Variants in THOC5 observed in about 807,000 individuals in gnomAD.
THOC5 encodes the protein THO complex subunit 5.
Under a neutral mutation model 92.9 loss-of-function variants are expected in THOC5, and 43 were observed. That is an observed-to-expected ratio of 0.46 (90% CI 0.36 to 0.60). The LOEUF is 0.60. Among genes scored for constraint, THOC5 ranks in the 20% least tolerant of loss-of-function variants. THOC5 has a pLI of 0.00. For missense variants in THOC5, 659 were observed against 849.4 expected (o/e 0.78, Z 2.79); for synonymous variants, 296 against 320.1 (o/e 0.92, Z 0.80).
rs1210412385 is a variant in THOC5, at chr22:29,519,091, G to A, written c.1404C>T (p.Ser468=). 8.7e-6 allele frequency: 14 copies of A among 1,611,046 alleles called. No homozygotes were observed. The highest frequency in any genetic ancestry group is 6.7e-5 in the East Asian group (3 of 44,768). Residue 468 remains serine (S), a synonymous_variant, in exon 15 of 20, where the codon AGC becomes AGT. Transcript: ENST00000490103. ...QQTVIADHSL[S]ASHMETTMKL... ...TCATGGTGGTCTCCATGTGGCTGGCGCTCAGCGAGTGGTCAGCAATCACTG... is the reference window on the plus strand; with the variant it reads ...TCATGGTGGTCTCCATGTGGCTGGCACTCAGCGAGTGGTCAGCAATCACTG...
chr22:29,512,174 A>T, intron 17 of THOC5, 38 bp from the exon 18 acceptor site: 1 of 1,572,540 alleles, frequency 6.4e-7, no homozygotes, highest in African/African-American at 1.3e-5. Context: ...CGCAGTTCTA[A>T]GACTCAGCTT....
At chr22:29,547,123 C>G (rs1475073116) in intron 2 of THOC5, among the ~76,000 whole-genome samples, 1 of 152,150 alleles carries the variant, frequency 6.6e-6, no homozygotes, top group Admixed American at 6.5e-5. Context: ...GGATTATAGG[C>G]GTGAGCCACT....
intron 7 of THOC5, chr22:29,535,904 G>C (rs2063750814): frequency 6.6e-6 from 1 of 152,078 alleles, no homozygotes; most frequent in South Asian, 2.1e-4. Context: ...CAAACTCCTG[G>C]GCTCAAGTGA....
chr22:29,552,801 G>A (rs1040807543), intron 1 of THOC5, among the ~76,000 whole-genome samples: 6 of 152,224 alleles, frequency 3.9e-5, no homozygotes, highest in African/African-American at 1.4e-4. Flanking sequence ...AGTAGAGAGG[G>A]GGGAAATGTG....
chr22:29,526,400 CG>C (rs1266899494), intron 11 of THOC5, among the ~76,000 whole-genome samples: 1 of 151,782 alleles, frequency 6.6e-6, no homozygotes, highest in Non-Finnish European at 1.5e-5. Flanking sequence ...GGCGTGGTGG[CG>C]GGCACCTGTA....
chr22:29,537,318 T>A (rs552942975), intron 6 of THOC5, among the ~76,000 whole-genome samples: 2 of 152,264 alleles, frequency 1.3e-5, no homozygotes, highest in African/African-American at 4.8e-5. Flanking sequence ...GTCAGCCCCA[T>A]CTGCTAAGAC....
intron 10 of THOC5, 123 bp downstream of exon 10, chr22:29,528,303 C>G (rs1216185900): frequency 6.2e-7 from 1 of 1,614,012 alleles, no homozygotes; most frequent in African/African-American, 1.3e-5. Context: ...GGTTGTCAGA[C>G]TCCCCTCCCA....
intron 5 of THOC5, among the ~76,000 whole-genome samples, chr22:29,541,893 A>AATATATAT (rs55924406): frequency 6.9e-4 from 51 of 74,158 alleles, no homozygotes; most frequent in African/African-American, 9.7e-4. Context: ...AAAAAAAAAA[A>AATATATAT]ATATATATAT....
chr22:29,541,066 A>C (rs1373336951), intron 5 of THOC5, among the ~76,000 whole-genome samples: 2 of 151,900 alleles, frequency 1.3e-5, no homozygotes, highest in Non-Finnish European at 2.9e-5. Context: ...AAAATACGAA[A>C]ATTAGCTGGG....
intron 6 of THOC5, among the ~76,000 whole-genome samples, chr22:29,537,370 G>A (rs942547063): frequency 6.6e-6 from 1 of 152,238 alleles, no homozygotes; most frequent in African/African-American, 2.4e-5. Context: ...GCCGGGAATG[G>A]TGGCTCATGC....
intron 8 of THOC5, among the ~76,000 whole-genome samples, chr22:29,529,944 A>G (rs1275647519): frequency 1.3e-5 from 2 of 152,136 alleles, no homozygotes; most frequent in East Asian, 3.9e-4. Flanking sequence ...GAGTTCAGAG[A>G]CCAGCCTGGC....
chr22:29,523,976 CAG>C (rs1046604826), intron 12 of THOC5, among the ~76,000 whole-genome samples: 2 of 152,202 alleles, frequency 1.3e-5, no homozygotes, highest in African/African-American at 4.8e-5. Flanking sequence ...GCTGGGAGCC[CAG>C]AGTCTCGGGC....
chr22:29,517,980 T>A (rs1300740103), intron 15 of THOC5, among the ~76,000 whole-genome samples: 1 of 152,112 alleles, frequency 6.6e-6, no homozygotes, highest in African/African-American at 2.4e-5. Flanking sequence ...TGGGGAGTGG[T>A]CTCCAGATGT....
intron 7 of THOC5, among the ~76,000 whole-genome samples, chr22:29,532,683 T>A (rs185905197): frequency 1.3e-3 from 155 of 119,072 alleles, no homozygotes; most frequent in African/African-American, 4.7e-3. Context: ...AAACAAAAAA[T>A]AATAAACAAG....
chr22:29,537,439 G>A (rs1317473606), intron 6 of THOC5, among the ~76,000 whole-genome samples: 1 of 152,172 alleles, frequency 6.6e-6, no homozygotes, highest in Non-Finnish European at 1.5e-5. Context: ...TCAAGAGTTC[G>A]AGACCAGCCT....
chr22:29,552,539 C>T (rs1333231759), intron 1 of THOC5, among the ~76,000 whole-genome samples: 1 of 140,754 alleles, frequency 7.1e-6, no homozygotes, highest in African/African-American at 2.6e-5. Flanking sequence ...TGGGGGGCAG[C>T]CCCCGCCCGG....
At chr22:29,541,734 G>A (rs1463878580) in intron 5 of THOC5, among the ~76,000 whole-genome samples, 9 of 148,968 alleles carry the variant, frequency 6.0e-5, no homozygotes, top group Non-Finnish European at 1.2e-4. Flanking sequence ...GGTGGCAAGC[G>A]CCTGTAGTCC....
At position 29,508,157 on chromosome 22, in the gene THOC5, A is replaced by G; in HGVS notation, c.*300T>C. 2.4e-6 allele frequency: 1 copy of G among 422,082 alleles called. No homozygotes were observed. The highest frequency in any genetic ancestry group is 4.4e-5 in the East Asian group (1 of 22,712). 26.1% of individuals were successfully genotyped at this position (422,082 alleles called of 1,614,324 possible). The stretch of plus-strand genomic sequence containing the variant: ...CGCAAAGCACAAATAGGGTGTGCGT[A>G]GACAAGAGGTGAGCATCTCTCTGCA... On this transcript the variant is annotated 3_prime_UTR_variant, in exon 20 of 20. Transcript: ENST00000490103.
At chr22:29,548,954 C>A in intron 2 of THOC5, 98 bp downstream of exon 2, 1 of 1,147,718 alleles carries the variant, frequency 8.7e-7, no homozygotes, top group South Asian at 1.4e-5. Context: ...AAAAGTTGTA[C>A]CTGGTAGATG....
Sources: gnomAD v4.1 joint callset for allele counts (sites outside exome capture counted in the v4.1 genomes callset) on GRCh38, gnomAD v4.1.1 for gene constraint, MANE v1.5 for transcripts, NCBI Gene and HGNC (gene_info 2026-07-23, HGNC 2026-07-21) for gene names.